The following FNDC5 variants were observed in gnomAD, a reference collection of about 807,000 sequenced individuals.
The protein encoded by FNDC5 is fibronectin type III domain-containing protein 5.
In FNDC5, 10 loss-of-function variants were observed where a neutral mutation model predicts 24.6. That is an observed-to-expected ratio of 0.41 (90% CI 0.25 to 0.69). The LOEUF (loss-of-function observed/expected upper bound fraction) is 0.69, where lower values mean the gene tolerates loss of function less well. Among genes scored for constraint, FNDC5 ranks in the 30% least tolerant of loss-of-function variants. FNDC5 has a pLI of 0.34. For synonymous variants in FNDC5, 90 were observed against 110.7 expected, an observed-to-expected ratio of 0.81 and a Z score of 1.18; for missense variants, 226 against 282.9, an observed-to-expected ratio of 0.80 and a Z score of 1.44.
intron 5 of FNDC5, 121 bp from the exon 6 acceptor site, chr1:32,864,420 TTC>T: frequency 6.6e-7 from 1 of 1,512,690 alleles, no homozygotes; most frequent in Non-Finnish European, 8.8e-7. Flanking sequence ...CAACCAAGAA[TTC>T]TGCCCTCCCC....
At chr1:32,870,069 C>T (rs1056162471) in intron 1 of FNDC5, among the ~76,000 whole-genome samples, 1 of 152,068 alleles carries the variant, frequency 6.6e-6, no homozygotes, top group African/African-American at 2.4e-5. Context: ...GAGAGATGAG[C>T]CGGGCAGCGG....
chr1:32,863,657 C>CAGTT lies in FNDC5; in HGVS notation c.*633_*636dup. ...TAGCTGTGCCTCCTCCCCACTGCTG[C>CAGTT]AGTTGTCCCTCTCCCTGTGCCCGTG... On this transcript the variant is annotated 3_prime_UTR_variant, in exon 6 of 6. Coordinates refer to ENST00000373471, the MANE Select transcript of FNDC5 (RefSeq NM_153756.3). 7.9e-7 allele frequency: 1 copy of CAGTT among 1,258,126 alleles called. No homozygotes were observed. Among genetic ancestry groups the CAGTT allele is most frequent in the South Asian group, 1.2e-5 (1 of 80,066 alleles). 77.9% of individuals were successfully genotyped at this position (1,258,126 alleles called of 1,614,324 possible). A position where few individuals can be genotyped will look rare whatever the true frequency, so the allele number is the denominator to read the frequency against.
At chr1:32,867,620 G>C in intron 4 of FNDC5, 133 bp downstream of exon 4, 1 of 763,360 alleles carries the variant, frequency 1.3e-6, no homozygotes, top group Non-Finnish European at 2.1e-6. Context: ...ACTGTCGTTG[G>C]CAGGACTTGG....
At chr1:32,867,933 C>T (rs145954833) in intron 3 of FNDC5, 91 bp from the exon 4 acceptor site, 4 of 1,278,708 alleles carry the variant, frequency 3.1e-6, no homozygotes, top group African/African-American at 2.9e-5. Context: ...CTGATTTCTA[C>T]AGGTGCCCAC....
At chr1:32,866,814 C>A (rs1641080057) in intron 4 of FNDC5, among the ~76,000 whole-genome samples, 1 of 152,160 alleles carries the variant, frequency 6.6e-6, no homozygotes, top group South Asian at 2.1e-4. Flanking sequence ...ATGATTGTAG[C>A]ACTACTGTTT....
At chr1:32,871,538 G>C (rs2148712484), upstream of FNDC5, among the ~76,000 whole-genome samples, 1 of 152,308 alleles carries the variant, frequency 6.6e-6, no homozygotes, top group Non-Finnish European at 1.5e-5. Flanking sequence ...ATACTATGCT[G>C]AGCTTTCTTT....
At chr1:32,867,091 T>C (rs1489001690) in intron 4 of FNDC5, among the ~76,000 whole-genome samples, 1 of 151,702 alleles carries the variant, frequency 6.6e-6, no homozygotes, top group African/African-American at 2.4e-5. Flanking sequence ...AACCTTTGTC[T>C]CAAAAAACAA....
At chr1:32,870,568 C>T (rs1171235106) in intron 1 of FNDC5, 85 bp downstream of exon 1, 2 of 822,428 alleles carry the variant, frequency 2.4e-6, no homozygotes, top group Non-Finnish European at 1.6e-6. Flanking sequence ...CCCTAGGGGG[C>T]AGAGAAAGGA....
chr1:32,868,407 C>G lies in FNDC5; in HGVS notation c.211-19G>C, dbSNP rs1452921807. 6.2e-7 allele frequency: 1 copy of G among 1,608,976 alleles called. No homozygotes were observed. The highest frequency in any genetic ancestry group is 1.1e-5 in the South Asian group (1 of 90,674). On this transcript the variant is annotated intron_variant, in intron 2 of 5. Coordinates refer to ENST00000373471, the MANE Select transcript of FNDC5 (RefSeq NM_153756.3). The surrounding 1 kb of genome is among the most constrained non-coding windows in gnomAD (Gnocchi z 4.8). ...CCTTCTTCTGCAGACAAGCGCCGGT[C>G]ACTGCTGTCAACACTCGGTGACCAG...
Position 32,864,218 on chromosome 1 carries a change from A to C in FNDC5, c.*76T>G. Reference sequence around the variant, plus strand: ...GCCAGATGTTTGTTGGATAATCATCATCAGAACCATGAGATCCTCTCACAT... The same window carrying C: ...GCCAGATGTTTGTTGGATAATCATCCTCAGAACCATGAGATCCTCTCACAT... On this transcript the variant is annotated 3_prime_UTR_variant, in exon 6 of 6. Transcript: ENST00000373471. 1 of 1,613,956 alleles carries C rather than the reference A, an allele frequency of 6.2e-7. No homozygotes were observed. Among genetic ancestry groups the C allele is most frequent in the South Asian group, 1.1e-5 (1 of 91,048 alleles).
In FNDC5 at chr1:32,864,554, T is replaced by G. The variant is rs1641032673; in HGVS notation, c.633+110A>C. On this transcript the variant is annotated intron_variant, in intron 5 of 5. Transcript: ENST00000373471. ...CACACAGGCAGCAGCCAAGTCTGGC[T>G]CTGCCCAGCTGTCGCCATGCCAGTC... 3 of 1,566,032 alleles carry G rather than the reference T, an allele frequency of 1.9e-6. No individual in the cohort carries two copies. In the East Asian group the frequency reaches 6.7e-5, roughly 35 times the overall value.
chr1:32,868,857 C>A lies in FNDC5; in HGVS notation c.210+25G>T. The A allele has an allele frequency of 8.2e-7, 1 of 1,217,772 alleles. No homozygotes were observed. Among genetic ancestry groups the A allele is most frequent in the Non-Finnish European group, 1.0e-6 (1 of 968,770 alleles). The allele number at this position is 1,217,772 out of a possible 1,614,324, so 75.4% of individuals were successfully genotyped here. The stretch of plus-strand genomic sequence containing the variant: ...CCACTACTGTCTTGATGTGTCCTTC[C>A]CTCCTAAGGACAGTGGAGCATTACC... On this transcript the variant is annotated intron_variant, in intron 2 of 5. Transcript: ENST00000373471. The surrounding 1 kb of genome is among the most constrained non-coding windows in gnomAD (Gnocchi z 4.8).
chr1:32,871,932 G>C, upstream of FNDC5, among the ~76,000 whole-genome samples: 1 of 152,148 alleles, frequency 6.6e-6, no homozygotes, highest in African/African-American at 2.4e-5. Flanking sequence ...TTTTGTCTCA[G>C]CAAGAACCCC....
intron 5 of FNDC5, 133 bp from the exon 6 acceptor site, chr1:32,864,432 C>A: frequency 6.7e-7 from 1 of 1,492,186 alleles, no homozygotes; most frequent in Non-Finnish European, 8.9e-7. Flanking sequence ...CTGCCCTCCC[C>A]ACTCACTGCT....
In FNDC5 at chr1:32,864,236, T is replaced by A; in HGVS notation, c.*58A>T. 6.2e-7 allele frequency: 1 copy of A among 1,614,130 alleles called. No homozygotes were observed. Among genetic ancestry groups the A allele is most frequent in the African/African-American group, 1.3e-5 (1 of 75,056 alleles). ...AATCATCATCAGAACCATGAGATCC[T>A]CTCACATTCTCTACTGTCTGTCTTC... On this transcript the variant is annotated 3_prime_UTR_variant, in exon 6 of 6. Coordinates refer to ENST00000373471, the MANE Select transcript of FNDC5 (RefSeq NM_153756.3).
rs1331447922 is a variant in FNDC5 at position 32,870,701 on chromosome 1, C to CGGCGCG, written c.40_45dup (p.Arg14_Ala15dup). 15 of 1,196,860 alleles carry CGGCGCG rather than the reference C, an allele frequency of 1.3e-5. No individual in the cohort carries two copies. Among genetic ancestry groups the CGGCGCG allele is most frequent in the Admixed American group, 4.5e-5 (1 of 22,394 alleles). The allele number at this position is 1,196,860 out of a possible 1,614,324, so 74.1% of individuals were successfully genotyped here. A position where few individuals can be genotyped will look rare whatever the true frequency, so the allele number is the denominator to read the frequency against. The stretch of plus-strand genomic sequence containing the variant: ...ACGCAGCCCAGCCACAGGCGGAGCG[C>CGGCGCG]GGCGCGGGCGCGGGGCGGCCAGGCG... On this transcript the variant is annotated inframe_insertion, in exon 1 of 6. Transcript: ENST00000373471.
upstream of FNDC5, among the ~76,000 whole-genome samples, chr1:32,871,155 C>G (rs942474553): frequency 2.2e-4 from 33 of 151,954 alleles, no homozygotes; most frequent in African/African-American, 7.2e-4. Context: ...ACTCTCTCTC[C>G]CGTGCACAGC....
intron 1 of FNDC5, among the ~76,000 whole-genome samples, chr1:32,869,777 G>A (rs1390799040): frequency 6.6e-6 from 1 of 152,142 alleles, no homozygotes; most frequent in Non-Finnish European, 1.5e-5. Flanking sequence ...GAGGAAAACC[G>A]TCCAGGAGAG....
chr1:32,863,962 A>C lies in FNDC5; in HGVS notation c.*332T>G. 7.7e-7 allele frequency: 1 copy of C among 1,296,620 alleles called. No homozygotes were observed. The highest frequency in any genetic ancestry group is 9.9e-7 in the Non-Finnish European group (1 of 1,008,438). The allele number at this position is 1,296,620 out of a possible 1,614,324, so 80.3% of individuals were successfully genotyped here. A position where few individuals can be genotyped will look rare whatever the true frequency, so the allele number is the denominator to read the frequency against. The stretch of plus-strand genomic sequence containing the variant: ...GATGTCTTGTCTTTTTGCCTTTTCA[A>C]ACCCAGCCTTCAGCCTCACTCAACT... On this transcript the variant is annotated 3_prime_UTR_variant, in exon 6 of 6. Coordinates refer to ENST00000373471, the MANE Select transcript of FNDC5 (RefSeq NM_153756.3).
Sources: gnomAD v4.1 joint callset for allele counts (sites outside exome capture counted in the v4.1 genomes callset) on GRCh38, gnomAD v4.1.1 for gene constraint, Gnocchi (gnomAD v3.1) non-coding constraint, MANE v1.5 for transcripts, NCBI Gene and HGNC (gene_info 2026-07-23, HGNC 2026-07-21) for gene names.